The following CDK19 variants were observed in gnomAD, a reference collection of about 807,000 sequenced individuals.
The protein encoded by CDK19 is cyclin dependent kinase 19.
In CDK19, 20 loss-of-function variants were observed where a neutral mutation model predicts 68.3. The observed-to-expected ratio is 0.29, with a 90% CI of 0.21 to 0.43. CDK19 has a LOEUF of 0.43. Ranked by LOEUF, CDK19 falls within the 20% of genes least tolerant of loss-of-function variation. CDK19 has a pLI of 1.00. For missense variants in CDK19, 339 were observed against 623.5 expected, an observed-to-expected ratio of 0.54 and a Z score of 4.86; for synonymous variants, 221 against 222.8, an observed-to-expected ratio of 0.99 and a Z score of 0.07.
intron 1 of CDK19, chr6:110,814,680 C>A: frequency 1.9e-6 from 1 of 538,064 alleles, no homozygotes; most frequent in Non-Finnish European, 3.6e-6. Context: ...TGCGTTCCCC[C>A]AAGAGACTAG....
At chr6:110,799,864 A>T (rs1782228122) in intron 1 of CDK19, among the ~76,000 whole-genome samples, 1 of 151,988 alleles carries the variant, frequency 6.6e-6, no homozygotes, top group Admixed American at 6.6e-5. Context: ...AGACCTCCCA[A>T]AGCGCTGGAA....
intron 8 of CDK19, among the ~76,000 whole-genome samples, chr6:110,625,422 A>G (rs1779028183): frequency 6.6e-6 from 1 of 151,900 alleles, no homozygotes; most frequent in African/African-American, 2.4e-5. Context: ...CAGCCTCCCA[A>G]AGTGTGAGGA....
At chr6:110,665,282 A>G (rs1358631106) in intron 4 of CDK19, among the ~76,000 whole-genome samples, 3 of 152,178 alleles carry the variant, frequency 2.0e-5, no homozygotes, top group Non-Finnish European at 1.5e-5. Flanking sequence ...AAAATAGATG[A>G]GTGCAAGGCA....
intron 12 of CDK19, among the ~76,000 whole-genome samples, chr6:110,617,422 C>A (rs1778385885): frequency 6.6e-6 from 1 of 152,006 alleles, no homozygotes; most frequent in African/African-American, 2.4e-5. Context: ...AGCATCAGAT[C>A]ATACCCCTTC....
intron 2 of CDK19, among the ~76,000 whole-genome samples, chr6:110,677,190 G>A (rs1771601637): frequency 6.6e-6 from 1 of 152,132 alleles, no homozygotes. Flanking sequence ...CTGATCATCT[G>A]TCACTATGAA....
At chr6:110,788,901 G>A (rs1781416623) in intron 1 of CDK19, among the ~76,000 whole-genome samples, 1 of 152,122 alleles carries the variant, frequency 6.6e-6, no homozygotes, top group Non-Finnish European at 1.5e-5. Context: ...CTTCTGGCAT[G>A]ATTAGTGGCA....
chr6:110,789,733 T>C (rs1307746694), intron 1 of CDK19, among the ~76,000 whole-genome samples: 1 of 152,300 alleles, frequency 6.6e-6, no homozygotes, highest in South Asian at 2.1e-4. Context: ...TTATAATAGA[T>C]TTGTGTCTAT....
At chr6:110,770,590 A>G (rs965989092) in intron 1 of CDK19, among the ~76,000 whole-genome samples, 3 of 152,178 alleles carry the variant, frequency 2.0e-5, no homozygotes, top group Admixed American at 6.6e-5. Context: ...GAGCCAAACC[A>G]TATCATTCCA....
At chr6:110,692,516 T>C (rs1393902768) in intron 2 of CDK19, among the ~76,000 whole-genome samples, 1 of 151,958 alleles carries the variant, frequency 6.6e-6, no homozygotes, top group African/African-American at 2.4e-5. Flanking sequence ...TAAAAATAAC[T>C]GGTGTTCCTG....
intron 1 of CDK19, among the ~76,000 whole-genome samples, chr6:110,804,229 C>A (rs545084516): frequency 2.0e-5 from 3 of 152,104 alleles, no homozygotes; most frequent in African/African-American, 4.8e-5. Context: ...CCATCACAAA[C>A]CCTCACTGAA....
chr6:110,690,854 GA>G (rs1464488675), intron 2 of CDK19, among the ~76,000 whole-genome samples: 1 of 151,948 alleles, frequency 6.6e-6, no homozygotes, highest in African/African-American at 2.4e-5. Context: ...TTAAGGAAGG[GA>G]AAAAGAAATT....
intron 2 of CDK19, among the ~76,000 whole-genome samples, chr6:110,688,061 C>A (rs12661906): frequency 0.16 from 23,819 of 152,020 alleles, 2,080 homozygotes; most frequent in East Asian, 0.32. Context: ...CAAACAAACA[C>A]CCACAACGGG....
intron 11 of CDK19, 36 bp downstream of exon 11, chr6:110,622,050 TGC>T (rs1226988936): frequency 7.8e-7 from 1 of 1,274,732 alleles, no homozygotes; most frequent in African/African-American, 1.5e-5. Flanking sequence ...TTGCCTCCCT[TGC>T]TCTTTGGAAG....
At chr6:110,795,795 T>C (rs1245560705) in intron 1 of CDK19, among the ~76,000 whole-genome samples, 2 of 152,106 alleles carry the variant, frequency 1.3e-5, no homozygotes, top group Non-Finnish European at 2.9e-5. Flanking sequence ...AGTAAAGCAT[T>C]GCATATTCAT....
At chr6:110,741,093 A>C (rs887473237) in intron 2 of CDK19, among the ~76,000 whole-genome samples, 2 of 152,178 alleles carry the variant, frequency 1.3e-5, no homozygotes, top group African/African-American at 4.8e-5. Flanking sequence ...TGAAGCCTAT[A>C]AACATATGTA....
intron 12 of CDK19, among the ~76,000 whole-genome samples, chr6:110,619,714 TA>T (rs1425628845): frequency 6.6e-6 from 1 of 151,982 alleles, no homozygotes; most frequent in Non-Finnish European, 1.5e-5. Flanking sequence ...TTCCTCTTGG[TA>T]ACTTTCCATC....
At chr6:110,638,335 T>C (rs1779917623) in intron 5 of CDK19, among the ~76,000 whole-genome samples, 1 of 152,064 alleles carries the variant, frequency 6.6e-6, no homozygotes, top group African/African-American at 2.4e-5. Flanking sequence ...ATTTAGAGGA[T>C]TATATTTAAG....
intron 4 of CDK19, among the ~76,000 whole-genome samples, chr6:110,651,832 G>C (rs1780991130): frequency 6.6e-6 from 1 of 152,140 alleles, no homozygotes; most frequent in South Asian, 2.1e-4. Flanking sequence ...TGTTTTCTCA[G>C]AAAGATTTTT....
chr6:110,671,710 A>T (rs965211431), intron 2 of CDK19, among the ~76,000 whole-genome samples: 1 of 152,230 alleles, frequency 6.6e-6, no homozygotes, highest in African/African-American at 2.4e-5. Flanking sequence ...CAATGTGGTA[A>T]GGAAGACAGA....
Sources: gnomAD v4.1 joint callset for allele counts (sites outside exome capture counted in the v4.1 genomes callset) on GRCh38, gnomAD v4.1.1 for gene constraint, MANE v1.5 for transcripts, NCBI Gene and HGNC (gene_info 2026-07-23, HGNC 2026-07-21) for gene names.